PPFIA2: variants seen among roughly 807,000 people sequenced by gnomAD.
The protein encoded by PPFIA2 is liprin-alpha-2.
In PPFIA2, 46 loss-of-function variants were observed where a neutral mutation model predicts 175.5. That is an observed-to-expected ratio of 0.26 (90% CI 0.21 to 0.34). The LOEUF (loss-of-function observed/expected upper bound fraction) is 0.34, where lower values mean the gene tolerates loss of function less well. PPFIA2 is among the 10% of genes least tolerant of loss of function. PPFIA2 has a pLI of 1.00. For missense variants in PPFIA2, 1,179 were observed against 1,506.1 expected (o/e 0.78, Z 3.60); for synonymous variants, 568 against 511.4 (o/e 1.11, Z -1.49).
rs116461622 is a variant in PPFIA2 at position 81,525,790 on chromosome 12, G to A, written c.304-67924C>T. 7.6e-3 allele frequency among the ~76,000 whole-genome samples: 1,159 copies of A among 152,254 alleles called. 14 individuals are homozygous for A. The highest frequency in any genetic ancestry group is 0.026 in the African/African-American group (1,066 of 41,554). On this transcript the variant is annotated intron_variant, in intron 4 of 32. Transcript: ENST00000549396. Reference sequence around the variant, plus strand: ...ATTACAACACTGGACATGAAAAACTGTTGCTCATCAGTGACTTTCTTCCCA... The same window carrying A: ...ATTACAACACTGGACATGAAAAACTATTGCTCATCAGTGACTTTCTTCCCA...
At chr12:81,391,625 C>T (rs2040141617) in intron 8 of PPFIA2, among the ~76,000 whole-genome samples, 1 of 151,904 alleles carries the variant, frequency 6.6e-6, no homozygotes, top group South Asian at 2.1e-4. Context: ...TCAATATCCT[C>T]ACAGCTAGGG....
rs5799531 is a variant in PPFIA2 at position 81,493,754 on chromosome 12, CTATATATATATATATA to C, written c.304-35904_304-35889del. 5.4e-3 allele frequency among the ~76,000 whole-genome samples: 553 copies of C among 102,100 alleles called. 11 individuals are homozygous for C. Among genetic ancestry groups the C allele is most frequent in the African/African-American group, 0.021 (515 of 24,268 alleles). 67.0% of individuals were successfully genotyped at this position (102,100 alleles called of 152,430 possible). On this transcript the variant is annotated intron_variant, in intron 4 of 32. Coordinates refer to ENST00000549396, the MANE Select transcript of PPFIA2 (RefSeq NM_003625.5). ...TTTGTGTGTGTGTGTGTGTGTGTGT[CTATATATATATATATA>C]TATATATATATATATATACACATTG...
chr12:81,510,278 C>G (rs1470992630), intron 4 of PPFIA2, among the ~76,000 whole-genome samples: 3 of 152,000 alleles, frequency 2.0e-5, no homozygotes, highest in African/African-American at 7.2e-5. Context: ...AATCACACTT[C>G]CCACAGGAAC....
intron 19 of PPFIA2, among the ~76,000 whole-genome samples, chr12:81,341,821 G>A (rs983423286): frequency 5.3e-5 from 8 of 151,966 alleles, no homozygotes; most frequent in African/African-American, 1.9e-4. Context: ...CTAACATATA[G>A]CATTATACAT....
At chr12:81,356,464 A>G (rs1209932238) in intron 16 of PPFIA2, among the ~76,000 whole-genome samples, 1 of 151,972 alleles carries the variant, frequency 6.6e-6, no homozygotes, top group Admixed American at 6.6e-5. Context: ...GGAGTTTGAG[A>G]TCAACCTGGG....
intron 17 of PPFIA2, among the ~76,000 whole-genome samples, chr12:81,351,840 G>A (rs2140889140): frequency 6.6e-6 from 1 of 152,064 alleles, no homozygotes; most frequent in Non-Finnish European, 1.5e-5. Context: ...GGGAGGTTGT[G>A]GGCTGCAGTG....
At chr12:81,632,960 C>T (rs1350784267) in intron 4 of PPFIA2, among the ~76,000 whole-genome samples, 1 of 152,028 alleles carries the variant, frequency 6.6e-6, no homozygotes, top group Non-Finnish European at 1.5e-5. Context: ...ACTGCAATCT[C>T]AGCTTAGTTT....
At chr12:81,554,633 TG>T in intron 4 of PPFIA2, among the ~76,000 whole-genome samples, 1 of 152,150 alleles carries the variant, frequency 6.6e-6, no homozygotes, top group South Asian at 2.1e-4. Context: ...TGAAAAGAAT[TG>T]ATTTTAATTT....
rs561771799 is a variant in PPFIA2 at position 81,281,655 on chromosome 12, T to C, written c.3019-205A>G. On this transcript the variant is annotated intron_variant, in intron 26 of 32. Coordinates refer to ENST00000549396, the MANE Select transcript of PPFIA2 (RefSeq NM_003625.5). The stretch of plus-strand genomic sequence containing the variant: ...TAAAGCATCTGCCTATTGAAAATGA[T>C]TGGCTATTTACTTTGTATTCTCAAA... Among the ~76,000 whole-genome samples, 3 of 152,232 alleles carry C rather than the reference T, an allele frequency of 2.0e-5. 1 individual carries two copies. The East Asian group carries it at 5.8e-4, about 29-fold the overall frequency.
chr12:81,528,369 G>A (rs995280995), intron 4 of PPFIA2, among the ~76,000 whole-genome samples: 1 of 152,072 alleles, frequency 6.6e-6, no homozygotes, highest in Non-Finnish European at 1.5e-5. Context: ...ATTAGGTAAA[G>A]TGTCAGCTTT....
chr12:81,720,924 T>G, intron 3 of PPFIA2, among the ~76,000 whole-genome samples: 1 of 151,274 alleles, frequency 6.6e-6, no homozygotes, highest in East Asian at 1.9e-4. Flanking sequence ...AAATATTCCA[T>G]GTTCAAAAGC....
chr12:81,503,317 A>G (rs989304081), intron 4 of PPFIA2, among the ~76,000 whole-genome samples: 1 of 152,026 alleles, frequency 6.6e-6, no homozygotes, highest in African/African-American at 2.4e-5. Flanking sequence ...AGATCTGCTC[A>G]TCCACGCTGT....
At chr12:81,372,671 T>C (rs146745532) in intron 11 of PPFIA2, among the ~76,000 whole-genome samples, 1 of 150,454 alleles carries the variant, frequency 6.6e-6, no homozygotes, top group Non-Finnish European at 1.5e-5. Context: ...GCAAAAGGAA[T>C]GTGTTCAGGA....
intron 4 of PPFIA2, among the ~76,000 whole-genome samples, chr12:81,658,114 C>A (rs1355641751): frequency 6.6e-6 from 1 of 151,636 alleles, no homozygotes; most frequent in Non-Finnish European, 1.5e-5. Flanking sequence ...ACTAAAAATA[C>A]AAAATTAGCT....
intron 6 of PPFIA2, among the ~76,000 whole-genome samples, chr12:81,442,486 T>A (rs2050356936): frequency 1.3e-5 from 2 of 152,092 alleles, no homozygotes; most frequent in Admixed American, 1.3e-4. Flanking sequence ...TTTAATTTGT[T>A]TTGGTTTACA....
intron 4 of PPFIA2, among the ~76,000 whole-genome samples, chr12:81,624,852 TA>T (rs960673032): frequency 3.9e-4 from 59 of 150,608 alleles, no homozygotes; most frequent in African/African-American, 1.3e-3. Flanking sequence ...TGACCAGGGA[TA>T]AAAAACTACA....
At chr12:81,528,212 A>T (rs1291395294) in intron 4 of PPFIA2, among the ~76,000 whole-genome samples, 1 of 152,076 alleles carries the variant, frequency 6.6e-6, no homozygotes, top group Admixed American at 6.6e-5. Flanking sequence ...GTCACCAACA[A>T]TAGACAGAGG....
At chr12:81,426,947 A>T (rs569505656) in intron 7 of PPFIA2, among the ~76,000 whole-genome samples, 1 of 152,296 alleles carries the variant, frequency 6.6e-6, no homozygotes, top group Admixed American at 6.5e-5. Context: ...AACTGTAAAT[A>T]TCTGGATGCT....
chr12:81,362,963 C>A (rs1244175158), intron 14 of PPFIA2, among the ~76,000 whole-genome samples, 179 bp from the exon 15 acceptor site: 1 of 151,322 alleles, frequency 6.6e-6, no homozygotes, highest in Non-Finnish European at 1.5e-5. Flanking sequence ...ATGTGGATAG[C>A]AGAAATTAAT....
Sources: allele counts gnomAD v4.1 joint callset (sites outside exome capture counted in the v4.1 genomes callset), GRCh38; gene constraint gnomAD v4.1.1; transcripts MANE v1.5; gene names NCBI Gene and HGNC (gene_info 2026-07-23, HGNC 2026-07-21).